CDH1: variants seen among roughly 807,000 people sequenced by gnomAD.
The protein encoded by CDH1 is cadherin 1, also known as cadherin-1.
A neutral mutation model predicts 84.5 loss-of-function variants in CDH1; 35 were observed. That is an observed-to-expected ratio of 0.41 (90% CI 0.32 to 0.55). CDH1 has a LOEUF of 0.55. Among genes scored for constraint, CDH1 ranks in the 20% least tolerant of loss-of-function variants. The pLI is 0.19. For missense variants in CDH1, 994 were observed against 1,126.6 expected, an observed-to-expected ratio of 0.88 and a Z score of 1.68; for synonymous variants, 417 against 439.0, an observed-to-expected ratio of 0.95 and a Z score of 0.63.
intron 2 of CDH1, among the ~76,000 whole-genome samples, chr16:68,775,514 C>G (rs762947582): frequency 9.9e-5 from 15 of 152,028 alleles, no homozygotes; most frequent in Non-Finnish European, 1.9e-4. Flanking sequence ...TGCCTAAGGC[C>G]CCCTTTTTGT....
At chr16:68,787,427 T>G (rs936673379) in intron 2 of CDH1, among the ~76,000 whole-genome samples, 1 of 152,186 alleles carries the variant, frequency 6.6e-6, no homozygotes, top group African/African-American at 2.4e-5. Flanking sequence ...CAATGTAAAG[T>G]TCACAGTGCC....
At chr16:68,780,658 G>A (rs565339343) in intron 2 of CDH1, among the ~76,000 whole-genome samples, 2 of 152,292 alleles carry the variant, frequency 1.3e-5, no homozygotes, top group South Asian at 4.1e-4. Context: ...GGGCCTTGGA[G>A]TCAACCCCAG....
intron 1 of CDH1, among the ~76,000 whole-genome samples, 197 bp from the exon 2 acceptor site, chr16:68,738,100 A>G (rs553504393): frequency 2.1e-5 from 3 of 145,166 alleles, no homozygotes; most frequent in African/African-American, 7.8e-5. Flanking sequence ...CCCTCCCGGG[A>G]GTTCCTGGGG....
At position 68,833,960 on chromosome 16, in the gene CDH1, C is replaced by CT. The variant is rs113202135; in HGVS notation, c.*475dup. 0.029 allele frequency: 7,691 copies of CT among 269,590 alleles called. 64 individuals are homozygous for CT. The highest frequency in any genetic ancestry group is 0.059 in the African/African-American group (2,514 of 42,366). 16.7% of individuals were successfully genotyped at this position (269,590 alleles called of 1,614,324 possible). On this transcript the variant is annotated 3_prime_UTR_variant, in exon 16 of 16. Coordinates refer to ENST00000261769, the MANE Select transcript of CDH1 (RefSeq NM_004360.5). ...TTACTACACTGGTGTGTCCCTCTGCCTTTTTTTTTTTTTTAAGACAGGGTC... is the reference window on the plus strand; with the variant it reads ...TTACTACACTGGTGTGTCCCTCTGCCTTTTTTTTTTTTTTTAAGACAGGGTC...
chr16:68,825,036 A>C (rs1164181074), intron 13 of CDH1, among the ~76,000 whole-genome samples: 1 of 152,198 alleles, frequency 6.6e-6, no homozygotes, highest in Non-Finnish European at 1.5e-5. Context: ...GCTTGAAGCC[A>C]GGAGTTTGAC....
At chr16:68,743,557 G>A (rs1359559036) in intron 2 of CDH1, among the ~76,000 whole-genome samples, 1 of 151,788 alleles carries the variant, frequency 6.6e-6, no homozygotes, top group Non-Finnish European at 1.5e-5. Flanking sequence ...GTAGATTCGG[G>A]GTTTCACCAT....
chr16:68,790,263 G>C (rs1315907949), intron 2 of CDH1, among the ~76,000 whole-genome samples: 2 of 152,176 alleles, frequency 1.3e-5, no homozygotes, highest in African/African-American at 4.8e-5. Flanking sequence ...GCATCAGGGA[G>C]AGAGAGGAGG....
intron 12 of CDH1, chr16:68,823,134 G>C (rs1373169240): frequency 1.1e-5 from 5 of 462,438 alleles, no homozygotes; most frequent in African/African-American, 7.9e-5. Context: ...GAAGAGCCCC[G>C]CTCTGCCTAA....
At chr16:68,791,910 G>C (rs1960218363) in intron 2 of CDH1, among the ~76,000 whole-genome samples, 3 of 151,890 alleles carry the variant, frequency 2.0e-5, no homozygotes, top group Non-Finnish European at 2.9e-5. Flanking sequence ...GGGGACGTCT[G>C]CCTATGTATT....
At chr16:68,781,081 G>T (rs140514467) in intron 2 of CDH1, among the ~76,000 whole-genome samples, 1 of 152,202 alleles carries the variant, frequency 6.6e-6, no homozygotes, top group Non-Finnish European at 1.5e-5. Flanking sequence ...CTGACAAGCC[G>T]TTCTGTCTCC....
chr16:68,815,383 C>CA, intron 9 of CDH1, 132 bp from the exon 10 acceptor site: 13 of 1,169,092 alleles, frequency 1.1e-5, no homozygotes, highest in Non-Finnish European at 1.6e-5. Flanking sequence ...CATTGAAAGT[C>CA]ATGGCAGAAA....
At chr16:68,751,881 A>C (rs1279924108) in intron 2 of CDH1, among the ~76,000 whole-genome samples, 1 of 151,732 alleles carries the variant, frequency 6.6e-6, no homozygotes, top group Non-Finnish European at 1.5e-5. Flanking sequence ...TGCTCACTGC[A>C]ACCTCAGACT....
intron 2 of CDH1, among the ~76,000 whole-genome samples, chr16:68,762,344 T>A (rs532557846): frequency 6.6e-6 from 1 of 152,074 alleles, no homozygotes; most frequent in East Asian, 1.9e-4. Context: ...TCCTTTATGC[T>A]CCCCCACCAG....
intron 2 of CDH1, among the ~76,000 whole-genome samples, chr16:68,775,089 G>T (rs904274479): frequency 6.7e-6 from 1 of 148,974 alleles, no homozygotes; most frequent in African/African-American, 2.5e-5. Flanking sequence ...TTGCACCATT[G>T]CACTCCAGCC....
At chr16:68,804,019 A>G (rs1285778938) in intron 3 of CDH1, among the ~76,000 whole-genome samples, 1 of 122,990 alleles carries the variant, frequency 8.1e-6, no homozygotes, top group East Asian at 2.4e-4. Context: ...GTCTTTTTTT[A>G]TTTTTTTAAT....
intron 2 of CDH1, among the ~76,000 whole-genome samples, chr16:68,794,694 T>TTA (rs1288369378): frequency 3.4e-4 from 51 of 149,600 alleles, no homozygotes; most frequent in Non-Finnish European, 6.4e-4. Context: ...ACTTTTTTTT[T>TTA]TTTTTTTTTT....
intron 14 of CDH1, among the ~76,000 whole-genome samples, chr16:68,828,662 T>C (rs1488853325): frequency 6.6e-6 from 1 of 152,234 alleles, no homozygotes; most frequent in African/African-American, 2.4e-5. Flanking sequence ...CAGATTCTCT[T>C]TGACATAGAA....
chr16:68,787,392 A>C (rs1257815980), intron 2 of CDH1, among the ~76,000 whole-genome samples: 1 of 152,192 alleles, frequency 6.6e-6, no homozygotes, highest in Non-Finnish European at 1.5e-5. Context: ...AAAAACCCCT[A>C]CCTGCCTCAC....
At chr16:68,810,824 C>A (rs1205074385) in intron 6 of CDH1, among the ~76,000 whole-genome samples, 2 of 151,696 alleles carry the variant, frequency 1.3e-5, no homozygotes, top group African/African-American at 4.8e-5. Flanking sequence ...TGAGATCACG[C>A]CACTGCACTC....
Sources: allele counts gnomAD v4.1 joint callset (sites outside exome capture counted in the v4.1 genomes callset), GRCh38; gene constraint gnomAD v4.1.1; transcripts MANE v1.5; gene names NCBI Gene and HGNC (gene_info 2026-07-23, HGNC 2026-07-21).